SNX29: variants seen among roughly 807,000 people sequenced by gnomAD.
SNX29 encodes the protein sorting nexin 29, also known as sorting nexin-29.
SNX29 carries 78 observed loss-of-function variants against 102.1 expected under a neutral mutation model. That is an observed-to-expected ratio of 0.76 (90% CI 0.64 to 0.92). The LOEUF (loss-of-function observed/expected upper bound fraction) is 0.92, where lower values mean the gene tolerates loss of function less well. Among genes scored for constraint, SNX29 ranks in the 40% least tolerant of loss-of-function variants. The probability of loss-of-function intolerance (pLI) is 0.00; values close to 1 mark genes in which losing one functional copy is unlikely to be tolerated. For synonymous variants in SNX29, 580 were observed against 414.5 expected, an observed-to-expected ratio of 1.40 and a Z score of -4.85; for missense variants, 1,280 against 1,061.7, an observed-to-expected ratio of 1.21 and a Z score of -2.86.
At chr16:12,545,758 A>G (rs944268392) in intron 20 of SNX29, among the ~76,000 whole-genome samples, 3 of 152,074 alleles carry the variant, frequency 2.0e-5, no homozygotes, top group Admixed American at 2.0e-4. Context: ...CCTGAGATGG[A>G]GAGGCAGCTT....
At chr16:12,339,430 T>C (rs1272976144) in intron 15 of SNX29, among the ~76,000 whole-genome samples, 4 of 147,822 alleles carry the variant, frequency 2.7e-5, no homozygotes, top group African/African-American at 1.0e-4. Flanking sequence ...AGTGGAGGTG[T>C]TGAAGCAGAA....
intron 18 of SNX29, among the ~76,000 whole-genome samples, chr16:12,433,424 A>C (rs764277227): frequency 6.6e-6 from 1 of 152,030 alleles, no homozygotes; most frequent in Admixed American, 6.6e-5. Context: ...TGAGGTCAGG[A>C]GTTTGAGACC....
intron 18 of SNX29, among the ~76,000 whole-genome samples, chr16:12,437,321 G>A (rs188491809): frequency 3.3e-5 from 5 of 152,234 alleles, no homozygotes; most frequent in Admixed American, 3.3e-4. Context: ...CACACACTGT[G>A]CTCTCAGCTC....
chr16:12,402,253 C>G (rs980508381), intron 17 of SNX29, among the ~76,000 whole-genome samples: 5 of 152,230 alleles, frequency 3.3e-5, no homozygotes, highest in African/African-American at 9.6e-5. Context: ...AGGAGAGACC[C>G]ATTACCTGAA....
At chr16:12,521,047 G>C (rs1328354247) in intron 19 of SNX29, among the ~76,000 whole-genome samples, 2 of 152,300 alleles carry the variant, frequency 1.3e-5, no homozygotes, top group East Asian at 3.9e-4. Context: ...ACATGGCTGT[G>C]TGTGTGCCTG....
chr16:12,384,526 T>A (rs745563475), intron 16 of SNX29, among the ~76,000 whole-genome samples: 2 of 152,220 alleles, frequency 1.3e-5, no homozygotes, highest in Admixed American at 1.3e-4. Context: ...TTTTGAGAAA[T>A]GTCGTTTCAG....
At chr16:12,242,352 A>T (rs1366461108) in intron 14 of SNX29, among the ~76,000 whole-genome samples, 3 of 138,004 alleles carry the variant, frequency 2.2e-5, no homozygotes, top group Admixed American at 7.3e-5. Context: ...TATATATAAT[A>T]ATATATATAT....
chr16:12,042,817 G>A (rs2049937503), intron 4 of SNX29, 80 bp from the exon 5 acceptor site: 12 of 1,427,550 alleles, frequency 8.4e-6, no homozygotes, highest in Non-Finnish European at 1.1e-5. Context: ...CTCCAACTTC[G>A]CCTAGAGGCT....
At chr16:12,041,262 C>T (rs957922463) in intron 4 of SNX29, among the ~76,000 whole-genome samples, 3 of 152,108 alleles carry the variant, frequency 2.0e-5, no homozygotes, top group African/African-American at 7.2e-5. Context: ...CAGGTGCCTG[C>T]CACCATGCCT....
Position 12,512,369 on chromosome 16 carries a change from A to ATATATATATATAT in SNX29, c.2179-12333_2179-12332insTATATATATATAT, listed in dbSNP as rs2089660367. Among the ~76,000 whole-genome samples the ATATATATATATAT allele has an allele frequency of 1.4e-3, 61 of 43,936 alleles. 8 individuals carry two copies. The highest frequency in any genetic ancestry group is 0.026 in the Middle Eastern group (2 of 76). 28.8% of individuals were successfully genotyped at this position (43,936 alleles called of 152,430 possible). A position where few individuals can be genotyped will look rare whatever the true frequency, so the allele number is the denominator to read the frequency against. The stretch of plus-strand genomic sequence containing the variant: ...CGTCCATCATGGAAGGCCCAGGGAA[A>ATATATATATATAT]ATATATATATATATATATATATATA... On this transcript the variant is annotated intron_variant, in intron 19 of 20. Coordinates refer to ENST00000566228, the MANE Select transcript of SNX29 (RefSeq NM_032167.5).
At chr16:12,209,333 G>A (rs1479800576) in intron 14 of SNX29, among the ~76,000 whole-genome samples, 1 of 152,160 alleles carries the variant, frequency 6.6e-6, no homozygotes, top group African/African-American at 2.4e-5. Flanking sequence ...GGGATTACAG[G>A]CGTGTGCCAC....
At position 12,356,295 on chromosome 16, in the gene SNX29, A is replaced by G. The variant is rs774822927; in HGVS notation, c.1899+16A>G. On this transcript the variant is annotated intron_variant, in intron 16 of 20. Transcript: ENST00000566228. ...CCGGGGACCGGTGAGTGTTTCCCCA[A>G]CCCTGTGTGTCTGTCAAGCCTCTGC... 2.5e-6 allele frequency: 4 copies of G among 1,577,254 alleles called. No individual in the cohort carries two copies. In the African/African-American group the frequency reaches 4.1e-5, roughly 16 times the overall value.
intron 18 of SNX29, among the ~76,000 whole-genome samples, chr16:12,476,389 TATATATATATATATATATATATAC>T (rs1475465075): frequency 0.071 from 994 of 13,904 alleles, 46 homozygotes; most frequent in African/African-American, 0.22. Context: ...AAAAAATATA[TATATATATATATATATATATATAC>T]ATATATATAT....
chr16:12,259,925 A>C (rs1414137727), intron 14 of SNX29, among the ~76,000 whole-genome samples: 1 of 151,386 alleles, frequency 6.6e-6, no homozygotes. Context: ...CCACCCCCTA[A>C]TCCCCCGCTG....
At chr16:12,296,182 C>T (rs1490499568) in intron 15 of SNX29, among the ~76,000 whole-genome samples, 1 of 152,204 alleles carries the variant, frequency 6.6e-6, no homozygotes, top group Non-Finnish European at 1.5e-5. Context: ...GATAACAGAT[C>T]TCAGTTTCTC....
chr16:12,164,398 A>G (rs1238749885), intron 13 of SNX29, among the ~76,000 whole-genome samples: 2 of 152,232 alleles, frequency 1.3e-5, no homozygotes, highest in Non-Finnish European at 2.9e-5. Flanking sequence ...ATAAGGATTT[A>G]TAAGATGTAC....
intron 19 of SNX29, among the ~76,000 whole-genome samples, chr16:12,480,239 C>T (rs2087844527): frequency 6.6e-6 from 1 of 152,190 alleles, no homozygotes; most frequent in Non-Finnish European, 1.5e-5. Context: ...ATGAGCGTCA[C>T]AGAGCTAAAA....
chr16:12,095,763 C>G (rs1344523073), intron 11 of SNX29, among the ~76,000 whole-genome samples: 2 of 152,160 alleles, frequency 1.3e-5, no homozygotes, highest in Non-Finnish European at 2.9e-5. Context: ...TGAGCCCAGA[C>G]CATCCGGCCC....
Position 11,976,759 on chromosome 16 carries a change from C to A in SNX29, c.-48C>A. ...GTCTGGAGCTCGGCAGCCGCAGAAGCGGCAGCGGCGGCGGCGCGGCGCAGG... is the reference window on the plus strand; with the variant it reads ...GTCTGGAGCTCGGCAGCCGCAGAAGAGGCAGCGGCGGCGGCGCGGCGCAGG... On this transcript the variant is annotated 5_prime_UTR_variant, in exon 1 of 21. Transcript: ENST00000566228. The A allele has an allele frequency of 1.6e-6, 2 of 1,277,468 alleles. No homozygotes were observed. The highest frequency in any genetic ancestry group is 2.2e-5 in the South Asian group (1 of 46,232). The allele number at this position is 1,277,468 out of a possible 1,614,324, so 79.1% of individuals were successfully genotyped here.
Sources: gnomAD v4.1 joint callset for allele counts (sites outside exome capture counted in the v4.1 genomes callset) on GRCh38, gnomAD v4.1.1 for gene constraint, MANE v1.5 for transcripts, NCBI Gene and HGNC (gene_info 2026-07-23, HGNC 2026-07-21) for gene names.